Variants in SFRP1 observed in about 807,000 individuals in gnomAD.
SFRP1 encodes the protein secreted frizzled-related protein 1.
In SFRP1, 9 loss-of-function variants were observed where a neutral mutation model predicts 25.9. That is an observed-to-expected ratio of 0.35 (90% CI 0.21 to 0.61). SFRP1 has a LOEUF of 0.61. Ranked by LOEUF, SFRP1 falls within the 20% of genes least tolerant of loss-of-function variation. The pLI is 0.78. For missense variants in SFRP1, 346 were observed against 418.2 expected (o/e 0.83, Z 1.51); for synonymous variants, 178 against 174.0 (o/e 1.02, Z -0.18).
chr8:41,284,843 GCT>G, intron 2 of SFRP1, among the ~76,000 whole-genome samples: 1 of 152,328 alleles, frequency 6.6e-6, no homozygotes, highest in Non-Finnish European at 1.5e-5. Flanking sequence ...GTACCCCCAG[GCT>G]GCAAGGCCAA....
chr8:41,282,061 G>A (rs146790707), intron 2 of SFRP1, among the ~76,000 whole-genome samples: 72 of 152,250 alleles, frequency 4.7e-4, no homozygotes, highest in Non-Finnish European at 8.2e-4. Context: ...CATTCCTCTC[G>A]TCACCCTATA....
chr8:41,270,909 CAG>C (rs1182754596), intron 2 of SFRP1: 1 of 151,988 alleles, frequency 6.6e-6, no homozygotes, highest in Non-Finnish European at 1.5e-5. Flanking sequence ...ATACTAGACA[CAG>C]AGGAGGACCG....
chr8:41,262,568 A>G lies in SFRP1; in HGVS notation c.*2599T>C, dbSNP rs1448924465. On this transcript the variant is annotated 3_prime_UTR_variant, in exon 3 of 3. Coordinates refer to ENST00000220772, the MANE Select transcript of SFRP1 (RefSeq NM_003012.5). ...CATGCTATCTTCTAAGATAACTACAAATATTCTTCAAAGATTTAACTGAGT... is the reference window on the plus strand; with the variant it reads ...CATGCTATCTTCTAAGATAACTACAGATATTCTTCAAAGATTTAACTGAGT... 6.6e-6 allele frequency: 1 copy of G among 152,156 alleles called. No homozygotes were observed. Among genetic ancestry groups the G allele is most frequent in the Admixed American group, 6.5e-5 (1 of 15,278 alleles). 9.4% of individuals were successfully genotyped at this position (152,156 alleles called of 1,614,324 possible).
At chr8:41,267,924 C>T (rs1370724668) in intron 2 of SFRP1, among the ~76,000 whole-genome samples, 1 of 152,192 alleles carries the variant, frequency 6.6e-6, no homozygotes, top group Non-Finnish European at 1.5e-5. Flanking sequence ...CCCAGTTTCA[C>T]CTACATTTCA....
chr8:41,306,914 G>T (rs1205601370), intron 1 of SFRP1: 5 of 1,573,904 alleles, frequency 3.2e-6, no homozygotes, highest in Non-Finnish European at 3.4e-6. Context: ...CAGGCAACCC[G>T]TCCAATCCCC....
chr8:41,267,903 C>T (rs1177749589), intron 2 of SFRP1, among the ~76,000 whole-genome samples: 1 of 152,166 alleles, frequency 6.6e-6, no homozygotes, highest in East Asian at 1.9e-4. Context: ...GGGAGGAGCT[C>T]AGACCCTCTT....
chr8:41,277,835 T>G (rs1243089931), intron 2 of SFRP1, among the ~76,000 whole-genome samples: 1 of 152,206 alleles, frequency 6.6e-6, no homozygotes, highest in Non-Finnish European at 1.5e-5. Flanking sequence ...GGTCTCAAAC[T>G]TCTGGCCTCA....
At chr8:41,300,808 C>A (rs1803905872) in intron 2 of SFRP1, among the ~76,000 whole-genome samples, 1 of 152,208 alleles carries the variant, frequency 6.6e-6, no homozygotes, top group Non-Finnish European at 1.5e-5. Flanking sequence ...AGCCAGCAGG[C>A]AGGCTGGTCG....
At chr8:41,291,823 G>A (rs1803783168) in intron 2 of SFRP1, among the ~76,000 whole-genome samples, 1 of 152,162 alleles carries the variant, frequency 6.6e-6, no homozygotes, top group Non-Finnish European at 1.5e-5. Context: ...GAAACACCAT[G>A]AGGAGCAGCA....
chr8:41,286,682 C>G (rs1009959940), intron 2 of SFRP1, among the ~76,000 whole-genome samples: 2 of 152,184 alleles, frequency 1.3e-5, no homozygotes, highest in Admixed American at 1.3e-4. Flanking sequence ...CACACCCTGG[C>G]GTCATCCCTT....
At chr8:41,282,107 T>G (rs1404391536) in intron 2 of SFRP1, among the ~76,000 whole-genome samples, 1 of 152,236 alleles carries the variant, frequency 6.6e-6, no homozygotes, top group Non-Finnish European at 1.5e-5. Flanking sequence ...GGTAGCTGTT[T>G]GGTTGCCTCC....
intron 2 of SFRP1, among the ~76,000 whole-genome samples, chr8:41,280,375 G>A (rs780060251): frequency 6.6e-6 from 1 of 152,164 alleles, no homozygotes; most frequent in Admixed American, 6.5e-5. Context: ...ATCAGCACCC[G>A]GTCCTATGTC....
At chr8:41,282,474 C>T (rs1803645770) in intron 2 of SFRP1, among the ~76,000 whole-genome samples, 2 of 152,018 alleles carry the variant, frequency 1.3e-5, no homozygotes, top group South Asian at 4.1e-4. Context: ...GATTGTGTCA[C>T]TGCACTCCAG....
chr8:41,290,741 C>G (rs184633130), intron 2 of SFRP1, among the ~76,000 whole-genome samples: 1 of 152,034 alleles, frequency 6.6e-6, no homozygotes, highest in Non-Finnish European at 1.5e-5. Context: ...ATACGGGACG[C>G]GGCTCCAGGG....
chr8:41,269,884 A>G (rs1803482258), intron 2 of SFRP1, among the ~76,000 whole-genome samples: 1 of 152,130 alleles, frequency 6.6e-6, no homozygotes, highest in South Asian at 2.1e-4. Flanking sequence ...AGAGGGACAT[A>G]CTAGAGAGCG....
chr8:41,289,076 G>A (rs1803744079), intron 2 of SFRP1, among the ~76,000 whole-genome samples: 2 of 152,168 alleles, frequency 1.3e-5, no homozygotes, highest in Admixed American at 1.3e-4. Flanking sequence ...GTCCAACTCA[G>A]TTTTCATCTG....
chr8:41,277,565 C>T (rs151071026), intron 2 of SFRP1, among the ~76,000 whole-genome samples: 52 of 152,314 alleles, frequency 3.4e-4, no homozygotes, highest in African/African-American at 1.2e-3. Context: ...TGCTGGGCTC[C>T]ACCCCTGGAG....
chr8:41,286,895 G>A (rs1347830891), intron 2 of SFRP1, among the ~76,000 whole-genome samples: 1 of 152,200 alleles, frequency 6.6e-6, no homozygotes, highest in African/African-American at 2.4e-5. Context: ...GAAGCCAGTG[G>A]CCAGAAAGCA....
In SFRP1 at chr8:41,265,138, G is replaced by GGGCCCCCCCC; in HGVS notation, c.*28_*29insGGGGGGGGCC. The GGGCCCCCCCC allele has an allele frequency of 2.0e-6, 1 of 508,950 alleles. No individual in the cohort carries two copies. The highest frequency in any genetic ancestry group is 3.3e-6 in the Non-Finnish European group (1 of 302,258). The allele number at this position is 508,950 out of a possible 1,614,324, so 31.5% of individuals were successfully genotyped here. A position where few individuals can be genotyped will look rare whatever the true frequency, so the allele number is the denominator to read the frequency against. ...CCCCCCCGCTCCCACCCCACCCGAG[G>GGGCCCCCCCC]CTCCCTCCCCACCCTGCCCCCGGGA... On this transcript the variant is annotated 3_prime_UTR_variant, in exon 3 of 3. Transcript: ENST00000220772.
Sources: allele counts gnomAD v4.1 joint callset (sites outside exome capture counted in the v4.1 genomes callset), GRCh38; gene constraint gnomAD v4.1.1; transcripts MANE v1.5; gene names NCBI Gene and HGNC (gene_info 2026-07-23, HGNC 2026-07-21).